The following AKAP13 variants were observed in gnomAD, a reference collection of about 807,000 sequenced individuals.
AKAP13 encodes the protein A-kinase anchoring protein 13, also known as A-kinase anchor protein 13.
A neutral mutation model predicts 264.5 loss-of-function variants in AKAP13; 80 were observed. The ratio of observed to expected loss-of-function variants is 0.30; its 90% CI spans 0.25 to 0.36. AKAP13 has a LOEUF of 0.36. Among genes scored for constraint, AKAP13 ranks in the 10% least tolerant of loss-of-function variants. AKAP13 has a pLI of 1.00. For missense variants in AKAP13, 3,712 were observed against 3,435.2 expected, an observed-to-expected ratio of 1.08 and a Z score of -2.01; for synonymous variants, 1,380 against 1,250.2, an observed-to-expected ratio of 1.10 and a Z score of -2.19.
chr15:85,567,974 G>A (rs2078668689), intron 5 of AKAP13, among the ~76,000 whole-genome samples: 2 of 143,202 alleles, frequency 1.4e-5, no homozygotes, highest in Admixed American at 7.1e-5. Context: ...GTGTGTGTGT[G>A]TGTGTGTATT....
chr15:85,591,101 T>C (rs8035496), intron 8 of AKAP13, among the ~76,000 whole-genome samples: 38,464 of 152,126 alleles, frequency 0.25, 5,039 homozygotes, highest in East Asian at 0.37. Flanking sequence ...ACCTTAAAGA[T>C]TTTCTGAAGT....
intron 3 of AKAP13, among the ~76,000 whole-genome samples, chr15:85,531,432 G>A (rs2077239236): frequency 6.6e-6 from 1 of 152,116 alleles, no homozygotes; most frequent in Non-Finnish European, 1.5e-5. Flanking sequence ...TGGATGTCTA[G>A]CTTTTAGCTC....
chr15:85,437,169 C>G (rs1296210256), intron 1 of AKAP13, among the ~76,000 whole-genome samples: 4 of 147,170 alleles, frequency 2.7e-5, no homozygotes, highest in Admixed American at 2.7e-4. Flanking sequence ...ATACAAACTA[C>G]CATCAGAGAA....
At chr15:85,700,773 A>G (rs1476355325) in intron 17 of AKAP13, among the ~76,000 whole-genome samples, 1 of 152,160 alleles carries the variant, frequency 6.6e-6, no homozygotes, top group African/African-American at 2.4e-5. Flanking sequence ...TTTTCCTTCC[A>G]TCTCTAATTA....
intron 10 of AKAP13, among the ~76,000 whole-genome samples, chr15:85,650,767 AAAAAAAAAAAAAAAAAAAAAAAAC>A (rs1168731647): frequency 1.4e-4 from 19 of 135,752 alleles, no homozygotes; most frequent in Admixed American, 2.2e-4. Flanking sequence ...AAAAAAAAAA[AAAAAAAAAAAAAAAAAAAAAAAAC>A]AACAAAAACT....
At position 85,384,632 on chromosome 15, in the gene AKAP13, G is replaced by T. The variant is rs539566620; in HGVS notation, c.-12+3834G>T. Among the ~76,000 whole-genome samples, 4 of 151,416 alleles carry T rather than the reference G, an allele frequency of 2.6e-5. No homozygotes were observed. In the South Asian group the frequency reaches 8.3e-4, roughly 32 times the overall value. ...CTTGGGAGGCTGAGGCAGGAGAATC[G>T]CTTGAACCCGGGAGGTGGAGGTTGC... On this transcript the variant is annotated intron_variant, in intron 1 of 36. Transcript: ENST00000394518.
At chr15:85,669,678 A>G (rs2083809003) in intron 13 of AKAP13, 44 bp from the exon 14 acceptor site, 1 of 1,365,614 alleles carries the variant, frequency 7.3e-7, no homozygotes, top group Non-Finnish European at 1.0e-6. Context: ...TAGAAATATG[A>G]GAGTATATGC....
At chr15:85,458,384 TTGTTTTTTG>T (rs2074361581) in intron 1 of AKAP13, among the ~76,000 whole-genome samples, 1 of 123,650 alleles carries the variant, frequency 8.1e-6, no homozygotes, top group African/African-American at 4.1e-5. Context: ...TTTGTATTTT[TTGTTTTTTG>T]TTTTTTTTTT....
intron 1 of AKAP13, among the ~76,000 whole-genome samples, chr15:85,429,973 G>C (rs1393034912): frequency 6.6e-6 from 1 of 152,202 alleles, no homozygotes; most frequent in Non-Finnish European, 1.5e-5. Flanking sequence ...TTAGTTAGTA[G>C]ATCTGTGAAT....
At chr15:85,650,897 A>G (rs960247148) in intron 10 of AKAP13, among the ~76,000 whole-genome samples, 13 of 152,054 alleles carry the variant, frequency 8.5e-5, no homozygotes, top group African/African-American at 3.1e-4. Flanking sequence ...AAAATATTGA[A>G]CATAAATGGA....
intron 17 of AKAP13, among the ~76,000 whole-genome samples, chr15:85,700,956 C>T (rs180192): frequency 1.3e-5 from 2 of 152,064 alleles, no homozygotes; most frequent in African/African-American, 4.8e-5. Context: ...GCACCTCTGA[C>T]CTCACGTTTT....
At chr15:85,607,789 C>G (rs572559370) in intron 8 of AKAP13, among the ~76,000 whole-genome samples, 2 of 152,222 alleles carry the variant, frequency 1.3e-5, no homozygotes, top group East Asian at 3.9e-4. Context: ...TAAAAATTTC[C>G]AGAACATTAA....
chr15:85,647,742 G>T (rs1002237135), intron 10 of AKAP13, among the ~76,000 whole-genome samples: 1 of 152,026 alleles, frequency 6.6e-6, no homozygotes, highest in African/African-American at 2.4e-5. Flanking sequence ...TCAGGAGATC[G>T]AGACCATCCT....
intron 14 of AKAP13, 101 bp downstream of exon 14, chr15:85,669,931 T>C: frequency 1.3e-6 from 1 of 790,380 alleles, no homozygotes; most frequent in Non-Finnish European, 2.0e-6. Context: ...CCTGCCAAAA[T>C]TTGCTTACTA....
At chr15:85,513,104 C>G (rs983608884) in intron 2 of AKAP13, among the ~76,000 whole-genome samples, 2 of 152,092 alleles carry the variant, frequency 1.3e-5, no homozygotes, top group African/African-American at 4.8e-5. Context: ...CGTTCCCGGC[C>G]CAGTGTTGAC....
Position 85,581,282 on chromosome 15 carries a change from A to G in AKAP13, c.3214A>G (p.Thr1072Ala). The change falls in exon 7 of 37, where the codon ACT becomes GCT. Residue 1072 changes from threonine (T) to alanine (A), a missense_variant. By Grantham distance (58) the Thr-to-Ala change is moderately conservative. Coordinates refer to ENST00000394518, the MANE Select transcript of AKAP13 (RefSeq NM_007200.5). ...TCCTCTGGATGTTGGAGTGAAGAACACTCAATCCCAGGGAAAAACTAGTGC... is the reference window on the plus strand; with the variant it reads ...TCCTCTGGATGTTGGAGTGAAGAACGCTCAATCCCAGGGAAAAACTAGTGC... ...PSPLDVGVKN[T>A]QSQGKTSACE... 1.2e-6 allele frequency: 2 copies of G among 1,614,186 alleles called. No homozygotes were observed. The highest frequency in any genetic ancestry group is 1.7e-5 in the Admixed American group (1 of 60,030).
intron 16 of AKAP13, among the ~76,000 whole-genome samples, chr15:85,692,068 A>T (rs2085316416): frequency 6.6e-6 from 1 of 151,902 alleles, no homozygotes; most frequent in Non-Finnish European, 1.5e-5. Context: ...TTTTGAGAAA[A>T]ATTATTAACA....
At position 85,581,657 on chromosome 15, in the gene AKAP13, A is replaced by G; in HGVS notation, c.3589A>G (p.Thr1197Ala). The G allele has an allele frequency of 6.2e-7, 1 of 1,614,138 alleles. No individual in the cohort carries two copies. The highest frequency in any genetic ancestry group is 1.1e-5 in the South Asian group (1 of 91,076). ...LLQPVAKELPTDMELSAHDDG... is the reference protein window; with the variant it reads ...LLQPVAKELPADMELSAHDDG... ...GCAGCCTGTTGCCAAGGAGCTCCCC[A>G]CAGACATGGAGCTCTCAGCCCATGA... Residue 1197 changes from threonine to alanine, a missense_variant, in exon 7 of 37, where the codon ACA (threonine) becomes GCA (alanine). By Grantham distance (58) the Thr-to-Ala change is moderately conservative. This residue lies in a region of AKAP13 where 2,759 missense variants were observed against 2,411.7 expected (regional missense o/e 1.14). Transcript: ENST00000394518.
chr15:85,433,524 C>T (rs1417140397), intron 1 of AKAP13, among the ~76,000 whole-genome samples: 1 of 152,088 alleles, frequency 6.6e-6, no homozygotes, highest in Non-Finnish European at 1.5e-5. Flanking sequence ...CTGTGAATGC[C>T]TAGTCAGTCC....
Sources: gnomAD v4.1 joint callset for allele counts (sites outside exome capture counted in the v4.1 genomes callset) on GRCh38, gnomAD v4.1.1 for gene constraint, gnomAD v4.1.1 regional missense constraint, MANE v1.5 for transcripts, NCBI Gene and HGNC (gene_info 2026-07-23, HGNC 2026-07-21) for gene names.